Variants in NREP observed in about 807,000 individuals in gnomAD.
The protein encoded by NREP is neuronal regeneration related protein.
A neutral mutation model predicts 8.6 loss-of-function variants in NREP; 5 were observed. That is an observed-to-expected ratio of 0.58 (90% CI 0.30 to 1.22). NREP has a LOEUF of 1.22. NREP is among the 50% of genes most tolerant of loss of function. The pLI is 0.07. For missense variants in NREP, 86 were observed against 82.5 expected, an observed-to-expected ratio of 1.04 and a Z score of -0.17; for synonymous variants, 27 against 28.0, an observed-to-expected ratio of 0.96 and a Z score of 0.11.
intron 2 of NREP, among the ~76,000 whole-genome samples, chr5:111,871,497 A>G (rs1753790071): frequency 6.6e-6 from 1 of 152,104 alleles, no homozygotes; most frequent in Admixed American, 6.5e-5. Context: ...TACACTAAAT[A>G]TATTTTTTAA....
intron 2 of NREP, among the ~76,000 whole-genome samples, chr5:111,877,579 G>A (rs1423574127): frequency 1.3e-5 from 2 of 152,146 alleles, no homozygotes; most frequent in East Asian, 1.9e-4. Flanking sequence ...GCATGAACTG[G>A]GCAAATGGAA....
intron 2 of NREP, among the ~76,000 whole-genome samples, chr5:111,865,715 G>C (rs1166951135): frequency 6.6e-6 from 1 of 152,102 alleles, no homozygotes; most frequent in East Asian, 1.9e-4. Context: ...GATCCCAGTT[G>C]ATATGGGTAA....
chr5:111,937,654 A>G (rs1449911164), intron 2 of NREP, among the ~76,000 whole-genome samples: 1 of 152,050 alleles, frequency 6.6e-6, no homozygotes, highest in Non-Finnish European at 1.5e-5. Flanking sequence ...GAAAGGACCC[A>G]TCTATTTTCC....
intron 2 of NREP, among the ~76,000 whole-genome samples, chr5:111,772,829 G>C (rs987858744): frequency 1.3e-5 from 2 of 152,116 alleles, no homozygotes; most frequent in Non-Finnish European, 2.9e-5. Flanking sequence ...ATTAATAATA[G>C]GAGTTTAATA....
chr5:111,912,002 G>A (rs1371599974), intron 2 of NREP, among the ~76,000 whole-genome samples: 2 of 152,032 alleles, frequency 1.3e-5, no homozygotes, highest in African/African-American at 4.8e-5. Flanking sequence ...CGATTGATAA[G>A]TGCCAAAGAC....
intron 3 of NREP, chr5:111,731,954 T>C (rs1245628059): frequency 6.6e-6 from 1 of 152,264 alleles, no homozygotes. Context: ...TTACAACAGA[T>C]AGATTTTATG....
intron 2 of NREP, among the ~76,000 whole-genome samples, chr5:111,867,811 T>C (rs1753702262): frequency 6.6e-6 from 1 of 152,136 alleles, no homozygotes; most frequent in Non-Finnish European, 1.5e-5. Context: ...AGTTTTTCTT[T>C]TTTTGAGAAA....
chr5:111,926,110 G>C (rs1335487691), intron 2 of NREP, among the ~76,000 whole-genome samples: 1 of 152,064 alleles, frequency 6.6e-6, no homozygotes, highest in Non-Finnish European at 1.5e-5. Context: ...AACCTACCCA[G>C]GTCTCCTTTT....
chr5:111,954,144 G>A (rs1029465870), intron 2 of NREP, among the ~76,000 whole-genome samples: 3 of 152,144 alleles, frequency 2.0e-5, no homozygotes, highest in African/African-American at 7.2e-5. Context: ...CTATGGCCAA[G>A]ATGGAAAAAT....
chr5:111,856,430 G>A (rs1753429349), intron 2 of NREP, among the ~76,000 whole-genome samples: 1 of 152,000 alleles, frequency 6.6e-6, no homozygotes, highest in Non-Finnish European at 1.5e-5. Context: ...TTATATTAAA[G>A]CTCCTAAGAC....
chr5:111,822,933 T>C (rs569153452), intron 2 of NREP, among the ~76,000 whole-genome samples: 8 of 152,310 alleles, frequency 5.3e-5, no homozygotes, highest in African/African-American at 1.7e-4. Context: ...AAAAGCCATA[T>C]GTTTTAGTCC....
chr5:111,757,585 G>A, upstream of NREP: 2 of 984,136 alleles, frequency 2.0e-6, no homozygotes, highest in Non-Finnish European at 2.4e-6. Context: ...GCGGCTCTGG[G>A]CCCCGTCGGC....
chr5:111,967,855 G>A (rs890251278), intron 2 of NREP, among the ~76,000 whole-genome samples: 2 of 151,938 alleles, frequency 1.3e-5, no homozygotes, highest in Non-Finnish European at 2.9e-5. Flanking sequence ...CTGCCTCCTG[G>A]TTGTTTTTTG....
intron 2 of NREP, among the ~76,000 whole-genome samples, chr5:111,951,362 T>A (rs1259378223): frequency 2.0e-5 from 3 of 151,986 alleles, no homozygotes; most frequent in African/African-American, 7.3e-5. Context: ...GATGATTTAG[T>A]ATTTTTTTTA....
intron 2 of NREP, among the ~76,000 whole-genome samples, chr5:111,938,760 T>C (rs1755752387): frequency 6.6e-6 from 1 of 152,070 alleles, no homozygotes; most frequent in African/African-American, 2.4e-5. Context: ...TGGTGAATAC[T>C]AGCTACCATT....
At chr5:111,829,907 C>T (rs190015713) in intron 2 of NREP, among the ~76,000 whole-genome samples, 3 of 152,126 alleles carry the variant, frequency 2.0e-5, no homozygotes, top group South Asian at 2.1e-4. Context: ...ACTACTATAC[C>T]AGCTCTTACA....
At chr5:111,829,915 A>G (rs748397328) in intron 2 of NREP, among the ~76,000 whole-genome samples, 7 of 152,210 alleles carry the variant, frequency 4.6e-5, no homozygotes, top group Non-Finnish European at 7.3e-5. Flanking sequence ...ACCAGCTCTT[A>G]CAGCCCTGGA....
At chr5:111,797,543 T>C (rs995650991) in intron 2 of NREP, among the ~76,000 whole-genome samples, 8 of 152,198 alleles carry the variant, frequency 5.3e-5, no homozygotes, top group African/African-American at 1.9e-4. Flanking sequence ...TTTTACTAAA[T>C]ATAAAGCTGA....
At chr5:111,830,177 C>A (rs1237335221) in intron 2 of NREP, among the ~76,000 whole-genome samples, 2 of 151,924 alleles carry the variant, frequency 1.3e-5, no homozygotes, top group Non-Finnish European at 2.9e-5. Context: ...TGTTGTTGTT[C>A]ATCAGCTATT....
Sources: gnomAD v4.1 joint callset for allele counts (sites outside exome capture counted in the v4.1 genomes callset) on GRCh38, gnomAD v4.1.1 for gene constraint, MANE v1.5 for transcripts, NCBI Gene and HGNC (gene_info 2026-07-23, HGNC 2026-07-21) for gene names.